The following DHRSX variants were observed in gnomAD, a reference collection of about 807,000 sequenced individuals.
DHRSX encodes polyprenol dehydrogenase.
DHRSX carries 31 observed loss-of-function variants against 34.0 expected under a neutral mutation model. The observed-to-expected ratio is 0.91, with a 90% CI of 0.69 to 1.23. DHRSX has a LOEUF of 1.23. DHRSX is among the 50% of genes most tolerant of loss of function. The pLI is 0.00. For synonymous variants in DHRSX, 201 were observed against 183.8 expected (o/e 1.09, Z -0.76); for missense variants, 414 against 428.1 (o/e 0.97, Z 0.29).
intron 1 of DHRSX, among the ~76,000 whole-genome samples, chrX:2,439,873 C>T (rs2044041616): frequency 6.6e-6 from 1 of 152,138 alleles, no homozygotes; most frequent in Non-Finnish European, 1.5e-5. Context: ...TTTGCTCACT[C>T]ACACGCTACT....
At chrX:2,495,934 G>A (rs917314292) in intron 1 of DHRSX, among the ~76,000 whole-genome samples, 1 of 152,244 alleles carries the variant, frequency 6.6e-6, no homozygotes, top group East Asian at 1.9e-4. Flanking sequence ...AGAGGAAGGA[G>A]CCAGCCGCCA....
At chrX:2,461,588 C>T (rs2124685927) in intron 1 of DHRSX, among the ~76,000 whole-genome samples, 1 of 152,300 alleles carries the variant, frequency 6.6e-6, no homozygotes, top group Admixed American at 6.5e-5. Flanking sequence ...GGTGCCCAGG[C>T]TGCACGACAG....
intron 4 of DHRSX, 101 bp from the exon 5 acceptor site, chrX:2,267,048 G>T: frequency 8.1e-7 from 1 of 1,234,916 alleles, no homozygotes; most frequent in Non-Finnish European, 1.2e-6. Context: ...GGACATCGGA[G>T]GGTGGGGTGT....
At chrX:2,339,255 C>G (rs1163136563) in intron 3 of DHRSX, among the ~76,000 whole-genome samples, 1 of 151,930 alleles carries the variant, frequency 6.6e-6, no homozygotes, top group Admixed American at 6.6e-5. Context: ...CCTACCTCAG[C>G]CTCCCAAGCA....
chrX:2,259,870 C>T (rs1181788009), intron 5 of DHRSX, among the ~76,000 whole-genome samples: 1 of 151,520 alleles, frequency 6.6e-6, no homozygotes, highest in African/African-American at 2.4e-5. Flanking sequence ...ACCTACCCTA[C>T]TCCAGGATGA....
In DHRSX at chrX:2,421,071, G is replaced by A. The variant is rs144624520; in HGVS notation, c.217+4126C>T. ...ATGGTTATATGAGGAATGGAACTGC[G>A]TGTACAAAATTATTATTTTAAAAGA... On this transcript the variant is annotated intron_variant, in intron 2 of 6. Coordinates refer to ENST00000334651, the MANE Select transcript of DHRSX (RefSeq NM_145177.3). 3.5e-3 allele frequency among the ~76,000 whole-genome samples: 539 copies of A among 152,066 alleles called. 1 individual carries two copies. The highest frequency in any genetic ancestry group is 0.014 in the Middle Eastern group (4 of 294).
chrX:2,404,741 C>T (rs1574000), intron 3 of DHRSX, among the ~76,000 whole-genome samples: 35,738 of 152,104 alleles, frequency 0.23, 4,940 homozygotes, highest in East Asian at 0.48. Flanking sequence ...GAGCTCCCCC[C>T]GCCCCAGAAA....
At chrX:2,438,708 G>C (rs189030272) in intron 1 of DHRSX, among the ~76,000 whole-genome samples, 5 of 150,742 alleles carry the variant, frequency 3.3e-5, no homozygotes, top group Admixed American at 6.6e-5. Context: ...TTCAGGAACA[G>C]AATGATCTAG....
chrX:2,373,477 C>A (rs2043103633), intron 3 of DHRSX, among the ~76,000 whole-genome samples: 1 of 152,144 alleles, frequency 6.6e-6, no homozygotes, highest in African/African-American at 2.4e-5. Flanking sequence ...CCATTCTCCC[C>A]ACGCCAGAAT....
At chrX:2,331,203 G>A (rs755262704) in intron 3 of DHRSX, among the ~76,000 whole-genome samples, 73 of 152,160 alleles carry the variant, frequency 4.8e-4, no homozygotes, top group African/African-American at 1.7e-3. Context: ...GTTTTATCAT[G>A]AGATTACAGG....
chrX:2,276,736 A>AGAGAGAGAGAG (rs1268028583), intron 4 of DHRSX, among the ~76,000 whole-genome samples: 1 of 148,370 alleles, frequency 6.7e-6, no homozygotes, highest in Non-Finnish European at 1.5e-5. Context: ...GGGCAATCAG[A>AGAGAGAGAGAG]GAGAGAGAGA....
At chrX:2,489,231 C>A in intron 1 of DHRSX, 1 of 1,613,962 alleles carries the variant, frequency 6.2e-7, no homozygotes, top group East Asian at 2.2e-5. Context: ...TCTTCCACCA[C>A]GCGATTCTCC....
intron 1 of DHRSX, among the ~76,000 whole-genome samples, chrX:2,472,519 C>T (rs1238581323): frequency 6.6e-6 from 1 of 152,176 alleles, no homozygotes; most frequent in East Asian, 1.9e-4. Flanking sequence ...TTCATAATCC[C>T]AGCACTTTGG....
Position 2,360,380 on chromosome X carries a change from C to G in DHRSX, c.286+48365G>C, listed in dbSNP as rs1444992619. Among the ~76,000 whole-genome samples the G allele has an allele frequency of 4.6e-5, 7 of 152,208 alleles. No homozygotes were observed. The South Asian group carries it at 8.3e-4, about 18-fold the overall frequency. On this transcript the variant is annotated intron_variant, in intron 3 of 6. Transcript: ENST00000334651. ...TGGGCGGATCACGAGGGCAGGAGTT[C>G]AAGACCAGCCTGACCAACATGGTGA...
intron 3 of DHRSX, among the ~76,000 whole-genome samples, chrX:2,344,392 G>C (rs914851278): frequency 1.3e-5 from 2 of 152,132 alleles, no homozygotes; most frequent in Admixed American, 1.3e-4. Context: ...CTTTTACACT[G>C]TTATTGAGAG....
intron 3 of DHRSX, among the ~76,000 whole-genome samples, chrX:2,392,899 ATAT>A (rs1230425881): frequency 7.9e-6 from 1 of 127,184 alleles, no homozygotes; most frequent in Non-Finnish European, 1.7e-5. Flanking sequence ...TGTGCATATT[ATAT>A]TATGTTTTAT....
chrX:2,374,811 C>G (rs1244396832), intron 3 of DHRSX, among the ~76,000 whole-genome samples: 7 of 133,370 alleles, frequency 5.2e-5, no homozygotes, highest in East Asian at 4.2e-4. Flanking sequence ...CAGGTTCAGT[C>G]CTGTAATCCC....
At chrX:2,310,859 G>A (rs1054101209) in intron 3 of DHRSX, among the ~76,000 whole-genome samples, 21 of 151,986 alleles carry the variant, frequency 1.4e-4, no homozygotes, top group South Asian at 8.3e-4. Context: ...TCAGGAGTTC[G>A]AGACCAGCCT....
chrX:2,283,432 A>T (rs1445255143), intron 4 of DHRSX, among the ~76,000 whole-genome samples: 1 of 152,178 alleles, frequency 6.6e-6, no homozygotes, highest in African/African-American at 2.4e-5. Flanking sequence ...ACACCTGTGC[A>T]GACTCAAGGA....
Sources: gnomAD v4.1 joint callset for allele counts (sites outside exome capture counted in the v4.1 genomes callset) on GRCh38, gnomAD v4.1.1 for gene constraint, MANE v1.5 for transcripts, NCBI Gene and HGNC (gene_info 2026-07-23, HGNC 2026-07-21) for gene names.